TP63: variants seen among roughly 807,000 people sequenced by gnomAD.
The protein encoded by TP63 is tumor protein p63, also known as tumor protein 63.
In TP63, 17 loss-of-function variants were observed where a neutral mutation model predicts 82.8. That is an observed-to-expected ratio of 0.21 (90% CI 0.14 to 0.31). The LOEUF is 0.31. TP63 is among the 10% of genes least tolerant of loss of function. The pLI is 1.00. For missense variants in TP63, 648 were observed against 895.3 expected (o/e 0.72, Z 3.52); for synonymous variants, 330 against 321.7 (o/e 1.03, Z -0.28).
intron 1 of TP63, among the ~76,000 whole-genome samples, chr3:189,635,262 C>T (rs1018880501): frequency 6.6e-5 from 10 of 151,924 alleles, no homozygotes; most frequent in African/African-American, 1.2e-4. Flanking sequence ...TCTTTACTGG[C>T]GTAAAGGTCA....
At chr3:189,729,449 A>C (rs2108781254) in intron 1 of TP63, among the ~76,000 whole-genome samples, 1 of 152,324 alleles carries the variant, frequency 6.6e-6, no homozygotes, top group Admixed American at 6.5e-5. Flanking sequence ...AAGATTTCTG[A>C]AGATGAAAAG....
At position 189,882,342 on chromosome 3, in the gene TP63, G is replaced by A. The variant is rs538718023; in HGVS notation, c.1350-4052G>A. Among the ~76,000 whole-genome samples the A allele has an allele frequency of 5.9e-5, 9 of 152,152 alleles. No homozygotes were observed. In the South Asian group the frequency reaches 1.9e-3, roughly 32 times the overall value. ...GAAAATTACAGTTTTCCCATCTAGAGAATAAATGCTGCACTGTCTTTAGTA... is the reference window on the plus strand; with the variant it reads ...GAAAATTACAGTTTTCCCATCTAGAAAATAAATGCTGCACTGTCTTTAGTA... On this transcript the variant is annotated intron_variant, in intron 10 of 13. Coordinates refer to ENST00000264731, the MANE Select transcript of TP63 (RefSeq NM_003722.5).
At chr3:189,858,355 G>A (rs1716565198) in intron 4 of TP63, among the ~76,000 whole-genome samples, 1 of 13,088 alleles carries the variant, frequency 7.6e-5, no homozygotes, top group Non-Finnish European at 1.7e-4. Flanking sequence ...GCAGTGAGCC[G>A]AGATTGCGCC....
the TP63 span, among the ~76,000 whole-genome samples, chr3:189,614,706 A>C: frequency 6.6e-6 from 1 of 152,226 alleles, no homozygotes; most frequent in Non-Finnish European, 1.5e-5. Context: ...ATTTAATCTG[A>C]AATTGACTGT....
chr3:189,822,572 C>T (rs1241594006), intron 4 of TP63, among the ~76,000 whole-genome samples: 1 of 152,102 alleles, frequency 6.6e-6, no homozygotes, highest in Non-Finnish European at 1.5e-5. Context: ...TAGTATTTAT[C>T]TTGTAACATT....
chr3:189,622,993 T>C, the TP63 span, among the ~76,000 whole-genome samples: 1 of 152,248 alleles, frequency 6.6e-6, no homozygotes, highest in African/African-American at 2.4e-5. Context: ...AAATTTCTTT[T>C]TAACTTTCAG....
rs1331843020 is a variant in TP63 at position 189,896,566 on chromosome 3, A to C, written c.*2064A>C. 1 of 211,708 alleles carries C rather than the reference A, an allele frequency of 4.7e-6. No homozygotes were observed. Among genetic ancestry groups the C allele is most frequent in the African/African-American group, 2.3e-5 (1 of 44,132 alleles). 13.1% of individuals were successfully genotyped at this position (211,708 alleles called of 1,614,324 possible). On this transcript the variant is annotated 3_prime_UTR_variant, in exon 14 of 14. Coordinates refer to ENST00000264731, the MANE Select transcript of TP63 (RefSeq NM_003722.5). ...CTGCAACAAGCATGCAGCTTTGCAA[A>C]CCCATTAAGGGGAAGAATGAAAGCT...
chr3:189,814,003 A>T (rs892559343), intron 4 of TP63, among the ~76,000 whole-genome samples: 4 of 152,176 alleles, frequency 2.6e-5, no homozygotes, highest in African/African-American at 9.6e-5. Context: ...TGGAGAGATT[A>T]GGGAGGTGGC....
chr3:189,631,203 T>A (rs1729438090), upstream of TP63: 1 of 983,780 alleles, frequency 1.0e-6, no homozygotes, highest in African/African-American at 1.7e-5. Context: ...ACAACAAGTG[T>A]GGCTACTATA....
chr3:189,814,146 A>T (rs1199489965), intron 4 of TP63, among the ~76,000 whole-genome samples: 1 of 152,220 alleles, frequency 6.6e-6, no homozygotes, highest in African/African-American at 2.4e-5. Context: ...CCTCCCTGTC[A>T]TCAGGTTACC....
Position 189,737,732 on chromosome 3 carries a change from C to T in TP63, c.63-8C>T. The T allele has an allele frequency of 1.9e-6, 3 of 1,613,578 alleles. No homozygotes were observed. Among genetic ancestry groups the T allele is most frequent in the Non-Finnish European group, 2.5e-6 (3 of 1,179,620 alleles). On this transcript the variant is annotated splice_polypyrimidine_tract_variant and splice_region_variant and intron_variant, in intron 1 of 13. Coordinates refer to ENST00000264731, the MANE Select transcript of TP63 (RefSeq NM_003722.5). Reference sequence around the variant, plus strand: ...GTATAATACTAGTTTCATTTTTGTCCTTTTAAGTTTCGTAGAAACCCCAGC... The same window carrying T: ...GTATAATACTAGTTTCATTTTTGTCTTTTTAAGTTTCGTAGAAACCCCAGC...
At chr3:189,630,026 G>A (rs555145347), upstream of TP63, among the ~76,000 whole-genome samples, 15 of 152,254 alleles carry the variant, frequency 9.9e-5, no homozygotes, top group South Asian at 3.1e-3. Flanking sequence ...GATGTTAGCC[G>A]CTCTCGGGCT....
chr3:189,879,460 G>A (rs1719665124), intron 10 of TP63, among the ~76,000 whole-genome samples: 2 of 152,120 alleles, frequency 1.3e-5, no homozygotes, highest in South Asian at 4.1e-4. Context: ...ATCTCAATCT[G>A]GGAATATCCA....
chr3:189,616,266 T>C, the TP63 span, among the ~76,000 whole-genome samples: 1 of 152,234 alleles, frequency 6.6e-6, no homozygotes, highest in African/African-American at 2.4e-5. Context: ...TTATAAGATT[T>C]ATTATGATAT....
chr3:189,844,280 T>C (rs1714562539), intron 4 of TP63: 2 of 414,088 alleles, frequency 4.8e-6, no homozygotes, highest in Non-Finnish European at 9.9e-6. Context: ...CAAGTGGTTC[T>C]CCTTTCTCAG....
At chr3:189,709,816 A>G (rs1464037202) in intron 1 of TP63, among the ~76,000 whole-genome samples, 3 of 152,192 alleles carry the variant, frequency 2.0e-5, no homozygotes, top group Non-Finnish European at 4.4e-5. Flanking sequence ...GTTAGGGATG[A>G]TATAACTCAG....
the TP63 span, among the ~76,000 whole-genome samples, chr3:189,599,335 A>G: frequency 6.6e-6 from 1 of 152,128 alleles, no homozygotes; most frequent in Non-Finnish European, 1.5e-5. Context: ...AGGGTCATCA[A>G]TAGTCTTGGG....
intron 1 of TP63, among the ~76,000 whole-genome samples, chr3:189,674,598 T>C (rs1032564897): frequency 6.6e-6 from 1 of 152,100 alleles, no homozygotes; most frequent in Non-Finnish European, 1.5e-5. Flanking sequence ...TCTGCAATAT[T>C]TATCCACAAG....
intron 10 of TP63, chr3:189,881,452 GGATGTGT>G: frequency 1.0e-6 from 1 of 985,272 alleles, no homozygotes; most frequent in Non-Finnish European, 1.2e-6. Flanking sequence ...TTGCTTTTGT[GGATGTGT>G]GATTTTAATT....
Sources: allele counts gnomAD v4.1 joint callset (sites outside exome capture counted in the v4.1 genomes callset), GRCh38; gene constraint gnomAD v4.1.1; transcripts MANE v1.5; gene names NCBI Gene and HGNC (gene_info 2026-07-23, HGNC 2026-07-21).